GALK2: variants seen among roughly 807,000 people sequenced by gnomAD.
The protein encoded by GALK2 is galactokinase 2, also known as N-acetylgalactosamine kinase.
In GALK2, 36 loss-of-function variants were observed where a neutral mutation model predicts 52.4. The observed-to-expected ratio is 0.69, with a 90% CI of 0.53 to 0.91. GALK2 has a LOEUF of 0.91. GALK2 is among the 40% of genes least tolerant of loss of function. The pLI, the probability that GALK2 is intolerant of heterozygous loss-of-function variation, is 0.00. For missense variants in GALK2, 579 were observed against 559.1 expected, an observed-to-expected ratio of 1.04 and a Z score of -0.36; for synonymous variants, 176 against 199.1, an observed-to-expected ratio of 0.88 and a Z score of 0.98.
chr15:49,301,698 G>T (rs937065919), intron 8 of GALK2, among the ~76,000 whole-genome samples: 1 of 152,050 alleles, frequency 6.6e-6, no homozygotes, highest in Non-Finnish European at 1.5e-5. Context: ...CTCTGGGTTG[G>T]GGTGGCCCAG....
At chr15:49,345,961 C>A (rs1369752970) in intron 3 of GALK2, among the ~76,000 whole-genome samples, 1 of 152,038 alleles carries the variant, frequency 6.6e-6, no homozygotes, top group African/African-American at 2.4e-5. Flanking sequence ...TCGTACTTAT[C>A]TGCCAAAAGT....
chr15:49,341,348 T>C (rs564246671), intron 3 of GALK2, among the ~76,000 whole-genome samples: 22 of 152,324 alleles, frequency 1.4e-4, no homozygotes, highest in Middle Eastern at 3.4e-3. Flanking sequence ...TTGGGTAGTA[T>C]GGCAAGTTTA....
At chr15:49,194,861 C>T (rs2087075779) in intron 1 of GALK2, among the ~76,000 whole-genome samples, 1 of 151,950 alleles carries the variant, frequency 6.6e-6, no homozygotes, top group Non-Finnish European at 1.5e-5. Flanking sequence ...TCCCAAAATG[C>T]TTGGATTACA....
At chr15:49,313,580 G>C (rs1294058398) in intron 8 of GALK2, among the ~76,000 whole-genome samples, 1 of 152,196 alleles carries the variant, frequency 6.6e-6, no homozygotes, top group East Asian at 1.9e-4. Context: ...GATGTCTGCT[G>C]CAATTGCTCA....
At chr15:49,177,765 C>T (rs2085579983) in intron 1 of GALK2, 2 of 729,822 alleles carry the variant, frequency 2.7e-6, no homozygotes, top group African/African-American at 3.6e-5. Context: ...GTTTGGTGAT[C>T]CACTGGGTGG....
rs1351000004 is a variant in GALK2 at position 49,292,467 on chromosome 15, G to T, written c.897G>T (p.Glu299Asp). ...ATCCTGAACCCTATAACCCTGAGGAGATCTGCAGGTGTCTGGGAATTAGCC... is the reference window on the plus strand; with the variant it reads ...ATCCTGAACCCTATAACCCTGAGGATATCTGCAGGTGTCTGGGAATTAGCC... ...ALHPEPYNPE[E>D]ICRCLGISLE... The change falls in exon 8 of 10, where the codon GAG becomes GAT. Residue 299 changes from glutamate (E) to aspartate (D), a missense_variant. Transcript: ENST00000560031. 1 of 1,614,056 alleles carries T rather than the reference G, an allele frequency of 6.2e-7. No individual in the cohort carries two copies. Among genetic ancestry groups the T allele is most frequent in the South Asian group, 1.1e-5 (1 of 91,080 alleles).
At chr15:49,305,297 G>A (rs1406180621) in intron 8 of GALK2, among the ~76,000 whole-genome samples, 1 of 152,088 alleles carries the variant, frequency 6.6e-6, no homozygotes, top group African/African-American at 2.4e-5. Context: ...TTAACCATAT[G>A]AGATCTCATT....
intron 8 of GALK2, among the ~76,000 whole-genome samples, chr15:49,318,689 A>T (rs2036624105): frequency 6.6e-6 from 1 of 152,142 alleles, no homozygotes; most frequent in African/African-American, 2.4e-5. Context: ...AATTGTGTTT[A>T]TCTGGGACAT....
chr15:49,355,357 A>C (rs1299002337), intron 3 of GALK2, among the ~76,000 whole-genome samples: 1 of 152,242 alleles, frequency 6.6e-6, no homozygotes, highest in Non-Finnish European at 1.5e-5. Context: ...ATTTAGCAGT[A>C]TGTATAACTA....
At chr15:49,237,412 T>C (rs909990922) in intron 4 of GALK2, among the ~76,000 whole-genome samples, 1 of 152,232 alleles carries the variant, frequency 6.6e-6, no homozygotes. Flanking sequence ...ATTTTGAATT[T>C]GTTATACATT....
chr15:49,204,945 A>G (rs913677130), intron 2 of GALK2, among the ~76,000 whole-genome samples: 9 of 152,316 alleles, frequency 5.9e-5, no homozygotes, highest in Non-Finnish European at 8.8e-5. Context: ...GTGAGAACAT[A>G]CAATGTTTGG....
At position 49,292,454 on chromosome 15, in the gene GALK2, A is replaced by G. The variant is rs371808630; in HGVS notation, c.884A>G (p.Tyr295Cys). The G allele has an allele frequency of 1.2e-5, 20 of 1,613,950 alleles. No individual in the cohort carries two copies. The highest frequency in any genetic ancestry group is 2.2e-5 in the South Asian group (2 of 91,082). ...VTEDALHPEP[Y>C]NPEEICRCLG... ...GAAGATGCCCTTCATCCTGAACCCT[A>G]TAACCCTGAGGAGATCTGCAGGTGT... The change falls in exon 8 of 10, where the codon TAT becomes TGT. Residue 295 changes from tyrosine (Y) to cysteine (C), a missense_variant. Coordinates refer to ENST00000560031, the MANE Select transcript of GALK2 (RefSeq NM_002044.4).
At chr15:49,308,105 G>A (rs564494494) in intron 8 of GALK2, among the ~76,000 whole-genome samples, 2 of 152,278 alleles carry the variant, frequency 1.3e-5, no homozygotes, top group South Asian at 4.1e-4. Flanking sequence ...TTATTCAAGT[G>A]TTTTTCAATT....
chr15:49,159,575 C>CA lies in GALK2; in HGVS notation c.20+3576dup, dbSNP rs71458473. Among the ~76,000 whole-genome samples, 991 of 130,082 alleles carry CA rather than the reference C, an allele frequency of 7.6e-3. 15 individuals are homozygous for CA. Among genetic ancestry groups the CA allele is most frequent in the African/African-American group, 0.02 (669 of 32,808 alleles). The allele number at this position is 130,082 out of a possible 152,430, so 85.3% of individuals were successfully genotyped here. A position where few individuals can be genotyped will look rare whatever the true frequency, so the allele number is the denominator to read the frequency against. Reference sequence around the variant, plus strand: ...TGGGCGACAGAACAAGACTCTGTCTCAAAAAAAAAAAAAAAAATAAAATAA... The same window carrying CA: ...TGGGCGACAGAACAAGACTCTGTCTCAAAAAAAAAAAAAAAAAATAAAATAA... On this transcript the variant is annotated intron_variant, in intron 1 of 9. Transcript: ENST00000327171.
chr15:49,190,755 C>T (rs2086671103), intron 1 of GALK2, among the ~76,000 whole-genome samples: 1 of 152,202 alleles, frequency 6.6e-6, no homozygotes, highest in Non-Finnish European at 1.5e-5. Flanking sequence ...CAGTCATACA[C>T]TCCTGAGTGT....
chr15:49,358,945 C>T (rs1437645680), intron 3 of GALK2, among the ~76,000 whole-genome samples: 1 of 147,606 alleles, frequency 6.8e-6, no homozygotes, highest in East Asian at 2.0e-4. Context: ...ATATCTACAA[C>T]TATCTGATCT....
Position 49,254,119 on chromosome 15 carries a change from T to C in GALK2, c.504+14752T>C, listed in dbSNP as rs534231151. Among the ~76,000 whole-genome samples the C allele has an allele frequency of 7.9e-4, 114 of 144,760 alleles. 9 individuals carry two copies. The highest frequency in any genetic ancestry group is 2.5e-3 in the African/African-American group (102 of 40,484). The allele number at this position is 144,760 out of a possible 152,430, so 95.0% of individuals were successfully genotyped here. Reference sequence around the variant, plus strand: ...ATGAGCATCTTTACAGTGCCTGACATAAAGGAGGCAAGTAATTGGATTGGG... The same window carrying C: ...ATGAGCATCTTTACAGTGCCTGACACAAAGGAGGCAAGTAATTGGATTGGG... On this transcript the variant is annotated intron_variant, in intron 5 of 9. Coordinates refer to ENST00000560031, the MANE Select transcript of GALK2 (RefSeq NM_002044.4).
chr15:49,189,532 G>A (rs1195162826), intron 1 of GALK2, among the ~76,000 whole-genome samples: 3 of 151,988 alleles, frequency 2.0e-5, no homozygotes, highest in Non-Finnish European at 2.9e-5. Flanking sequence ...TATAAATTAG[G>A]CATAGCAAGA....
At chr15:49,265,180 G>A (rs974245150) in intron 5 of GALK2, among the ~76,000 whole-genome samples, 1 of 152,206 alleles carries the variant, frequency 6.6e-6, no homozygotes, top group African/African-American at 2.4e-5. Context: ...CAGAGGTGGA[G>A]CCTACAGAGG....
Sources: gnomAD v4.1 joint callset for allele counts (sites outside exome capture counted in the v4.1 genomes callset) on GRCh38, gnomAD v4.1.1 for gene constraint, MANE v1.5 for transcripts, NCBI Gene and HGNC (gene_info 2026-07-23, HGNC 2026-07-21) for gene names.